Variants in CACNA1D observed in about 807,000 individuals in gnomAD.
The protein encoded by CACNA1D is calcium voltage-gated channel subunit alpha1 D, also known as voltage-dependent L-type calcium channel subunit alpha-1D.
A neutral mutation model predicts 257.1 loss-of-function variants in CACNA1D; 55 were observed. The observed-to-expected ratio is 0.21, with a 90% confidence interval of 0.17 to 0.27. The LOEUF is 0.27. Among genes scored for constraint, CACNA1D ranks in the 10% least tolerant of loss-of-function variants. The pLI is 1.00. For missense variants in CACNA1D, 1,876 were observed against 2,784.0 expected (o/e 0.67, Z 7.34); for synonymous variants, 980 against 1,014.9 (o/e 0.97, Z 0.65).
At chr3:53,747,930 A>G (rs1809282) in intron 26 of CACNA1D, among the ~76,000 whole-genome samples, 115,034 of 152,122 alleles carry the variant, frequency 0.76, 45,381 homozygotes, top group East Asian at 1. Flanking sequence ...CCACCCGTTA[A>G]AAATGTCTAA....
At position 53,514,681 on chromosome 3, in the gene CACNA1D, G is replaced by A. The variant is rs556989239; in HGVS notation, c.483+12961G>A. On this transcript the variant is annotated intron_variant, in intron 3 of 47. Coordinates refer to ENST00000350061, the MANE Select transcript of CACNA1D (RefSeq NM_001128840.3). Reference sequence around the variant, plus strand: ...ACAGCAGTCCTGTGAGGTAGGTGTCGTTAGCCTTAGCTGTAGATGAAGAAA... The same window carrying A: ...ACAGCAGTCCTGTGAGGTAGGTGTCATTAGCCTTAGCTGTAGATGAAGAAA... Among the ~76,000 whole-genome samples the A allele has an allele frequency of 1.8e-3, 280 of 152,272 alleles. 1 individual carries two copies. The highest frequency in any genetic ancestry group is 1.7e-3 in the Non-Finnish European group (115 of 68,020).
intron 3 of CACNA1D, among the ~76,000 whole-genome samples, chr3:53,628,654 A>C (rs1030283037): frequency 5.9e-5 from 9 of 152,158 alleles, no homozygotes; most frequent in African/African-American, 9.7e-5. Context: ...TTGTGCCTGC[A>C]ATTCTGAATT....
intron 46 of CACNA1D, chr3:53,809,653 G>A (rs947446271): frequency 1.9e-5 from 8 of 415,850 alleles, no homozygotes; most frequent in Non-Finnish European, 3.2e-5. Context: ...AGCATGAACT[G>A]GGTGGTGTGT....
In CACNA1D at chr3:53,745,805, T is replaced by C; in HGVS notation, c.3115-18T>C. On this transcript the variant is annotated intron_variant, in intron 24 of 47. Transcript: ENST00000350061. ...AGAAGCCTGCATTTACTTAACTGCC[T>C]GTCTATTTTATACCCAGGGGAAGTT... is the stretch of plus-strand genomic sequence containing the variant. 1 of 1,612,108 alleles carries C rather than the reference T, an allele frequency of 6.2e-7. No homozygotes were observed. Among genetic ancestry groups the C allele is most frequent in the Non-Finnish European group, 8.5e-7 (1 of 1,178,100 alleles).
chr3:53,586,641 A>G (rs2093222511), intron 3 of CACNA1D, among the ~76,000 whole-genome samples: 1 of 152,162 alleles, frequency 6.6e-6, no homozygotes, highest in Non-Finnish European at 1.5e-5. Flanking sequence ...AGCTTCAAAC[A>G]TTTTAGACTA....
At position 53,810,129 on chromosome 3, in the gene CACNA1D, C is replaced by A; in HGVS notation, c.6023C>A (p.Ala2008Asp). ...TPLIQVEQSE[A>D]LDQVNGSLPS... ...CTGATCCAAGTGGAGCAGTCAGAGG[C>A]CCTGGACCAGGTGAACGGCAGCCTG... The change falls in exon 47 of 48, where the codon GCC becomes GAC. Residue 2008 changes from alanine to aspartate, a missense_variant. Transcript: ENST00000350061. 1 of 1,614,000 alleles carries A rather than the reference C, an allele frequency of 6.2e-7. No homozygotes were observed. The highest frequency in any genetic ancestry group is 8.5e-7 in the Non-Finnish European group (1 of 1,180,038).
intron 3 of CACNA1D, among the ~76,000 whole-genome samples, chr3:53,553,901 A>G (rs1575845280): frequency 6.6e-6 from 1 of 151,202 alleles, no homozygotes; most frequent in Middle Eastern, 3.4e-3. Context: ...CTTGTGTTAA[A>G]GTGGAAAATC....
At chr3:53,685,825 A>T (rs1215301802) in intron 8 of CACNA1D, among the ~76,000 whole-genome samples, 5 of 152,146 alleles carry the variant, frequency 3.3e-5, no homozygotes, top group Admixed American at 3.3e-4. Flanking sequence ...ATCAGTAAGG[A>T]AGAAAGGTTT....
chr3:53,694,707 CT>C (rs998992631), intron 8 of CACNA1D, among the ~76,000 whole-genome samples: 1 of 152,070 alleles, frequency 6.6e-6, no homozygotes, highest in South Asian at 2.1e-4. Context: ...AAATGAGGGG[CT>C]TTTTTCTGTT....
At position 53,716,938 on chromosome 3, in the gene CACNA1D, CG is replaced by C. The variant is rs527630962; in HGVS notation, c.1391-1360del. Among the ~76,000 whole-genome samples, 498 of 152,328 alleles carry C rather than the reference CG, an allele frequency of 3.3e-3. 3 individuals are homozygous for C. Among genetic ancestry groups the C allele is most frequent in the African/African-American group, 0.012 (479 of 41,576 alleles). ...TTTATGAAGTCTGCTATGAGCAAGG[CG>C]GGCCGAACACAGCCCCCTACGCGAG... On this transcript the variant is annotated intron_variant, in intron 9 of 47. Coordinates refer to ENST00000350061, the MANE Select transcript of CACNA1D (RefSeq NM_001128840.3).
At chr3:53,589,485 C>A (rs543227220) in intron 3 of CACNA1D, among the ~76,000 whole-genome samples, 2 of 152,158 alleles carry the variant, frequency 1.3e-5, no homozygotes, top group Non-Finnish European at 2.9e-5. Context: ...TCAAGGTCGG[C>A]CTTGTCCTAG....
At chr3:53,719,602 C>T (rs1009680221) in intron 10 of CACNA1D, among the ~76,000 whole-genome samples, 153 bp from the exon 11 acceptor site, 6 of 152,202 alleles carry the variant, frequency 3.9e-5, no homozygotes, top group African/African-American at 7.2e-5. Context: ...CTAATTTCTG[C>T]TCTGGCCTTG....
At chr3:53,566,552 C>T (rs765933064) in intron 3 of CACNA1D, among the ~76,000 whole-genome samples, 2 of 152,108 alleles carry the variant, frequency 1.3e-5, no homozygotes, top group Non-Finnish European at 2.9e-5. Flanking sequence ...CTCGCTTCCC[C>T]TCCCCACACA....
chr3:53,516,195 CAA>C (rs1386944073), intron 3 of CACNA1D, among the ~76,000 whole-genome samples: 1 of 152,198 alleles, frequency 6.6e-6, no homozygotes, highest in Non-Finnish European at 1.5e-5. Context: ...AAGAATAGTT[CAA>C]GAGAGTCTTA....
At chr3:53,662,949 G>A (rs2094219490) in intron 5 of CACNA1D, among the ~76,000 whole-genome samples, 1 of 152,242 alleles carries the variant, frequency 6.6e-6, no homozygotes, top group Non-Finnish European at 1.5e-5. Context: ...TGGCCATGGG[G>A]ATTGGAACGG....
chr3:53,747,504 G>A, intron 26 of CACNA1D, 56 bp downstream of exon 26: 1 of 1,570,376 alleles, frequency 6.4e-7, no homozygotes. Context: ...CCAGGGCTGA[G>A]CCCTCCCTCC....
chr3:53,716,750 C>G (rs1165799046), intron 9 of CACNA1D, among the ~76,000 whole-genome samples: 1 of 152,104 alleles, frequency 6.6e-6, no homozygotes, highest in African/African-American at 2.4e-5. Flanking sequence ...ACACCCTTGC[C>G]TCAGTGTTCC....
At chr3:53,574,400 G>A (rs1397339115) in intron 3 of CACNA1D, among the ~76,000 whole-genome samples, 3 of 152,166 alleles carry the variant, frequency 2.0e-5, no homozygotes, top group South Asian at 2.1e-4. Flanking sequence ...TCAGCACCTC[G>A]TCAGGTGAGT....
At chr3:53,616,063 A>T (rs566429270) in intron 3 of CACNA1D, among the ~76,000 whole-genome samples, 1 of 152,038 alleles carries the variant, frequency 6.6e-6, no homozygotes, top group African/African-American at 2.4e-5. Flanking sequence ...AGACTTGATG[A>T]TCCTTGGGAA....
Sources: gnomAD v4.1 joint callset for allele counts (sites outside exome capture counted in the v4.1 genomes callset) on GRCh38, gnomAD v4.1.1 for gene constraint, MANE v1.5 for transcripts, NCBI Gene and HGNC (gene_info 2026-07-23, HGNC 2026-07-21) for gene names.